Variants in CDAN1 observed in about 807,000 individuals in gnomAD.
CDAN1 encodes the protein codanin 1, also known as codanin-1.
Under a neutral mutation model 139.8 loss-of-function variants are expected in CDAN1, and 107 were observed. The ratio of observed to expected loss-of-function variants is 0.77; its 90% CI spans 0.65 to 0.90. The LOEUF is 0.90. CDAN1 is among the 40% of genes least tolerant of loss of function. The probability of loss-of-function intolerance (pLI) is 0.00; values close to 1 mark genes in which losing one functional copy is unlikely to be tolerated. For synonymous variants in CDAN1, 776 were observed against 660.6 expected, an observed-to-expected ratio of 1.17 and a Z score of -2.68; for missense variants, 1,667 against 1,575.7, an observed-to-expected ratio of 1.06 and a Z score of -0.98.
In CDAN1 at chr15:42,726,326, G is replaced by A. The variant is rs143857276; in HGVS notation, c.3188C>T (p.Thr1063Met). The change falls in exon 24 of 28, where the codon ACG becomes ATG. Residue 1063 changes from threonine (T) to methionine (M), a missense_variant. Thr to Met is a moderately conservative substitution (Grantham distance 81). This residue lies in a region of CDAN1 where 936 missense variants were observed against 844.1 expected (regional missense o/e 1.11). Coordinates refer to ENST00000356231, the MANE Select transcript of CDAN1 (RefSeq NM_138477.4). Reference protein sequence around the residue: ...LEQLLGQLGQTLRCRQFLCPP... With the variant: ...LEQLLGQLGQMLRCRQFLCPP... ...ACAGCTCACCTGGCGGCACCGCAGC[G>A]TCTGGCCCAGCTGGCCTAGGAGCTG... 5.4e-4 allele frequency: 860 copies of A among 1,590,084 alleles called. 1 individual carries two copies. The highest frequency in any genetic ancestry group is 6.4e-4 in the Non-Finnish European group (749 of 1,168,338).
intron 2 of CDAN1, 108 bp from the exon 3 acceptor site, chr15:42,736,186 C>A (rs748148032): frequency 6.4e-7 from 1 of 1,573,302 alleles, no homozygotes; most frequent in Non-Finnish European, 8.6e-7. Flanking sequence ...AAAACCCTCA[C>A]CATCACCCCC....
At chr15:42,727,232 TAACTA>T (rs1194346965) in intron 23 of CDAN1, 1 of 181,952 alleles carries the variant, frequency 5.5e-6, no homozygotes, top group Non-Finnish European at 1.1e-5. Flanking sequence ...TTACTGCCTG[TAACTA>T]AACAAGCATC....
rs770486048 is a variant in CDAN1, at chr15:42,725,680, G to A, written c.3269-10C>T. 39 of 1,613,966 alleles carry A rather than the reference G, an allele frequency of 2.4e-5. No homozygotes were observed. In the South Asian group the frequency reaches 2.7e-4, roughly 11 times the overall value. On this transcript the variant is annotated splice_polypyrimidine_tract_variant and intron_variant, in intron 25 of 27. Coordinates refer to ENST00000356231, the MANE Select transcript of CDAN1 (RefSeq NM_138477.4). Reference sequence around the variant, plus strand: ...GGAATTTGATCTGCAACTGTGGAAAGAGGAAAGCCAAGCTTTAAAAGATGG... The same window carrying A: ...GGAATTTGATCTGCAACTGTGGAAAAAGGAAAGCCAAGCTTTAAAAGATGG...
chr15:42,730,226 A>C lies in CDAN1; in HGVS notation c.2175-11T>G. 6.2e-7 allele frequency: 1 copy of C among 1,611,514 alleles called. No homozygotes were observed. The highest frequency in any genetic ancestry group is 2.2e-5 in the East Asian group (1 of 44,868). On this transcript the variant is annotated splice_polypyrimidine_tract_variant and intron_variant, in intron 14 of 27. Transcript: ENST00000356231. Reference sequence around the variant, plus strand: ...GACAACACCAAGCTCCTGAAACATCAATGGGCAGTACACGGGTTTGAGCAG... The same window carrying C: ...GACAACACCAAGCTCCTGAAACATCCATGGGCAGTACACGGGTTTGAGCAG...
chr15:42,725,276 T>G, intron 26 of CDAN1, 25 bp from the exon 27 acceptor site: 1 of 1,605,638 alleles, frequency 6.2e-7, no homozygotes, highest in Non-Finnish European at 8.5e-7. Flanking sequence ...GAGGTCAGGG[T>G]TGCTAGGAGG....
rs1229112850 is a variant in CDAN1 at position 42,736,314 on chromosome 15, G to C, written c.557C>G (p.Pro186Arg). The change falls in exon 2 of 28, where the codon CCC (proline) becomes CGC (arginine). Residue 186 changes from proline (P) to arginine (R), a missense_variant. Physicochemically the swap from Pro to Arg is moderately radical, Grantham distance 103. Coordinates refer to ENST00000356231, the MANE Select transcript of CDAN1 (RefSeq NM_138477.4). Reference sequence around the variant, plus strand: ...AGCTGAGTCTCACCCTGTAGGGCCGGGGGGAACCGAGCCTACGGGAGGGAA... The same window carrying C: ...AGCTGAGTCTCACCCTGTAGGGCCGCGGGGAACCGAGCCTACGGGAGGGAA... ...EEFPPVGSVPPGPTGTKPSRR... is the reference protein window; with the variant it reads ...EEFPPVGSVPRGPTGTKPSRR... 23 of 1,613,748 alleles carry C rather than the reference G, an allele frequency of 1.4e-5. No individual in the cohort carries two copies. Among genetic ancestry groups the C allele is most frequent in the Non-Finnish European group, 1.9e-5 (23 of 1,179,944 alleles).
rs186400047 is a variant in CDAN1, at chr15:42,731,223, G to A, written c.1848C>T (p.Asp616=). Residue 616 remains aspartate (D), a synonymous_variant, in exon 12 of 28, where the codon GAC becomes GAT. Transcript: ENST00000356231. ...HEPNDEDGES[D]VDWQGERKQF... Reference sequence around the variant, plus strand: ...TCTGTTTTCGGACCTGCCAGTCTACGTCTGACTCCCCGTCTTCATCATTGG... The same window carrying A: ...TCTGTTTTCGGACCTGCCAGTCTACATCTGACTCCCCGTCTTCATCATTGG... The A allele has an allele frequency of 1.4e-5, 22 of 1,614,152 alleles. No homozygotes were observed. The highest frequency in any genetic ancestry group is 1.6e-4 in the Middle Eastern group (1 of 6,062).
In CDAN1 at chr15:42,733,986, C is replaced by T. The variant is rs781570585; in HGVS notation, c.1319G>A (p.Arg440His). Residue 440 changes from arginine (R) to histidine (H), a missense_variant, in exon 8 of 28, where the codon CGT becomes CAT. Transcript: ENST00000356231. ...AVSFQPETDN[R>H]ANFSSDRAFH... ...GGCTCGGTCACTGGAGAAGTTGGCA[C>T]GATTGTCAGTCTCTGGCTGAAAGGA... 8.1e-6 allele frequency: 13 copies of T among 1,614,112 alleles called. No homozygotes were observed. The highest frequency in any genetic ancestry group is 2.7e-5 in the African/African-American group (2 of 75,026).
intron 11 of CDAN1, 135 bp downstream of exon 11, chr15:42,731,485 G>T: frequency 1.4e-6 from 2 of 1,399,050 alleles, no homozygotes; most frequent in Non-Finnish European, 2.0e-6. Context: ...AATGAGAAGT[G>T]CAATGAAGCC....
chr15:42,729,961 G>C (rs1435058540), intron 15 of CDAN1, 76 bp from the exon 16 acceptor site: 1 of 966,696 alleles, frequency 1.0e-6, no homozygotes, highest in African/African-American at 1.7e-5. Context: ...ACGGTCCCAG[G>C]GTGTAGGCGC....
In CDAN1 at chr15:42,729,224, C is replaced by T. The variant is rs369966704; in HGVS notation, c.2541+5G>A. On this transcript the variant is annotated splice_donor_5th_base_variant and intron_variant, in intron 18 of 27. Coordinates refer to ENST00000356231, the MANE Select transcript of CDAN1 (RefSeq NM_138477.4). Reference sequence around the variant, plus strand: ...TCCCCACGGCTGTCTCCGCCCTGCCCTTACCTGCAGCCCCTGGCTGGTCTG... The same window carrying T: ...TCCCCACGGCTGTCTCCGCCCTGCCTTTACCTGCAGCCCCTGGCTGGTCTG... 15 of 1,613,882 alleles carry T rather than the reference C, an allele frequency of 9.3e-6. No homozygotes were observed. Among genetic ancestry groups the T allele is most frequent in the African/African-American group, 1.3e-5 (1 of 74,874 alleles).
At chr15:42,732,269 C>T (rs1400320971) in intron 10 of CDAN1, 64 bp downstream of exon 10, 13 of 1,471,048 alleles carry the variant, frequency 8.8e-6, no homozygotes, top group South Asian at 5.7e-5. Context: ...AAAGTGCAGC[C>T]GTTAAGTGGC....
At chr15:42,734,368 T>C in intron 6 of CDAN1, 22 bp from the exon 7 acceptor site, 1 of 1,613,824 alleles carries the variant, frequency 6.2e-7, no homozygotes, top group Non-Finnish European at 8.5e-7. Context: ...AGAGCACCTA[T>C]GACTGAGACC....
In CDAN1 at chr15:42,735,619, G is replaced by A. The variant is rs746445193; in HGVS notation, c.834C>T (p.Pro278=). Residue 278 remains proline, a synonymous_variant, in exon 4 of 28, where the codon CCC becomes CCT. Coordinates refer to ENST00000356231, the MANE Select transcript of CDAN1 (RefSeq NM_138477.4). ...PTCPTPELGS[P]LPSRTGSLTD... ...TGAGGCTTCCTGTCCGGCTGGGGAG[G>A]GGCGACCCCAATTCTGGGGTGGGAC... The A allele has an allele frequency of 1.2e-6, 2 of 1,614,182 alleles. No homozygotes were observed. Among genetic ancestry groups the A allele is most frequent in the Non-Finnish European group, 8.5e-7 (1 of 1,180,030 alleles).
chr15:42,728,170 TGGCCTGCTAGCTGC>T lies in CDAN1; in HGVS notation c.2868+20_2868+33del. ...CTCCGTGCACCTCCCCACAACTGCC[TGGCCTGCTAGCTGC>T]AGGCCTCCCTCACACGTACGGCTGC... On this transcript the variant is annotated intron_variant, in intron 21 of 27. Coordinates refer to ENST00000356231, the MANE Select transcript of CDAN1 (RefSeq NM_138477.4). 4 of 1,609,850 alleles carry T rather than the reference TGGCCTGCTAGCTGC, an allele frequency of 2.5e-6. No individual in the cohort carries two copies. Among genetic ancestry groups the T allele is most frequent in the Non-Finnish European group, 2.5e-6 (3 of 1,177,348 alleles).
intron 6 of CDAN1, among the ~76,000 whole-genome samples, chr15:42,734,696 C>G (rs1255741625): frequency 2.0e-5 from 3 of 151,872 alleles, no homozygotes; most frequent in Non-Finnish European, 4.4e-5. Flanking sequence ...CTCACTACAG[C>G]CTGGACCTCC....
In CDAN1 at chr15:42,729,875, A is replaced by G. The variant is rs2061585571; in HGVS notation, c.2273T>C (p.Val758Ala). 1.2e-6 allele frequency: 2 copies of G among 1,613,068 alleles called. No individual in the cohort carries two copies. The highest frequency in any genetic ancestry group is 1.7e-6 in the Non-Finnish European group (2 of 1,179,654). ...TTCCAGAAAGAACAAGTCCTCAGGG[A>G]CTGTGGGAATCTGGCAAGACAGTCA... ...VLGWLFQIPT[V>A]PEDLFFLEEG... The change falls in exon 16 of 28, where the codon GTC becomes GCC. Residue 758 changes from valine (V) to alanine (A), a missense_variant. Val to Ala is a moderately conservative substitution (Grantham distance 64). Transcript: ENST00000356231.
intron 20 of CDAN1, 27 bp downstream of exon 20, chr15:42,728,625 T>C (rs756122419): frequency 5.0e-6 from 8 of 1,612,186 alleles, no homozygotes; most frequent in Middle Eastern, 1.9e-4. Context: ...AAGAGGAGAG[T>C]GGATCAAATG....
intron 12 of CDAN1, 27 bp from the exon 13 acceptor site, chr15:42,731,098 G>T (rs1566984698): frequency 1.2e-6 from 2 of 1,614,196 alleles, no homozygotes; most frequent in Non-Finnish European, 1.7e-6. Context: ...GAAGTAAAAG[G>T]TCCAAGCATG....
Sources: gnomAD v4.1 joint callset for allele counts (sites outside exome capture counted in the v4.1 genomes callset) on GRCh38, gnomAD v4.1.1 for gene constraint, gnomAD v4.1.1 regional missense constraint, MANE v1.5 for transcripts, NCBI Gene and HGNC (gene_info 2026-07-23, HGNC 2026-07-21) for gene names.